Variants in SHOC1 observed in about 807,000 individuals in gnomAD.
SHOC1 encodes the protein shortage in chiasmata 1, also known as protein shortage in chiasmata 1 ortholog.
A neutral mutation model predicts 179.2 loss-of-function variants in SHOC1; 136 were observed. That is an observed-to-expected ratio of 0.76 (90% CI 0.66 to 0.87). The LOEUF is 0.87. Among genes scored for constraint, SHOC1 ranks in the 40% least tolerant of loss-of-function variants. The pLI is 0.00. For missense variants in SHOC1, 1,538 were observed against 1,700.8 expected (o/e 0.90, Z 1.68); for synonymous variants, 489 against 586.6 (o/e 0.83, Z 2.41).
Position 111,703,923 on chromosome 9 carries a change from A to G in SHOC1, c.2925T>C (p.Tyr975=), listed in dbSNP as rs769964499. The G allele has an allele frequency of 6.2e-7, 1 of 1,610,564 alleles. No homozygotes were observed. Among genetic ancestry groups the G allele is most frequent in the Non-Finnish European group, 8.5e-7 (1 of 1,178,338 alleles). The stretch of plus-strand genomic sequence containing the variant: ...TGTGTTCATCAATTGTCACCACTAC[A>G]TAACACTCTGAACTTCCAAAGAGTT... The part of the protein sequence containing the change: ...SLKLFGSSEC[Y]VVVTIDEHTA... Residue 975 remains tyrosine (Y), a synonymous_variant, in exon 22 of 28, where the codon TAT becomes TAC. Coordinates refer to ENST00000682961, the MANE Select transcript of SHOC1 (RefSeq NM_001378211.1).
intron 8 of SHOC1, among the ~76,000 whole-genome samples, chr9:111,750,822 T>C (rs541697037): frequency 4.6e-5 from 7 of 152,244 alleles, no homozygotes; most frequent in Non-Finnish European, 1.0e-4. Context: ...TAGTTTCTTT[T>C]GCTGTGCAGA....
chr9:111,759,598 T>A, intron 5 of SHOC1: 1 of 1,043,090 alleles, frequency 9.6e-7, no homozygotes, highest in Non-Finnish European at 1.2e-6. Context: ...CTTCAATAAG[T>A]TTTTGAGTAG....
chr9:111,750,867 T>G (rs985154287), intron 8 of SHOC1, among the ~76,000 whole-genome samples: 3 of 152,212 alleles, frequency 2.0e-5, no homozygotes, highest in African/African-American at 4.8e-5. Context: ...ATTTGTCAAT[T>G]TTTGCTTTTA....
Position 111,756,477 on chromosome 9 carries a change from G to A in SHOC1, c.710C>T (p.Pro237Leu), listed in dbSNP as rs540745853. Residue 237 changes from proline (P) to leucine (L), a missense_variant and splice_region_variant, in exon 8 of 28, where the codon CCG becomes CTG. By Grantham distance (98) the Pro-to-Leu change is moderately conservative. Transcript: ENST00000682961. ...KLEDTICLNE[P>L]SSFLIEYEFL... is the part of the protein sequence containing the mutation. ...TTCATACTCAATAAGAAAACTTGAC[G>A]GCTGAAAAAACATAGTTTAAAAAAG... is the stretch of plus-strand genomic sequence containing the variant. 39 of 1,585,936 alleles carry A rather than the reference G, an allele frequency of 2.5e-5. No homozygotes were observed. The highest frequency in any genetic ancestry group is 3.1e-5 in the Non-Finnish European group (36 of 1,172,688).
At chr9:111,735,387 A>C (rs561061676) in intron 12 of SHOC1, among the ~76,000 whole-genome samples, 15 of 151,960 alleles carry the variant, frequency 9.9e-5, no homozygotes, top group Non-Finnish European at 2.1e-4. Flanking sequence ...CCCTGTGTCC[A>C]TGTGTTCTCA....
chr9:111,723,926 A>G lies in SHOC1; in HGVS notation c.1835-15T>C. On this transcript the variant is annotated splice_polypyrimidine_tract_variant and intron_variant, in intron 13 of 27. Transcript: ENST00000682961. ...TGCTTCTTTATCTTGAAATTCCAAT[A>G]AAAAATATAAATTTTTGTTGTTCAA... The G allele has an allele frequency of 6.7e-7, 1 of 1,482,226 alleles. No individual in the cohort carries two copies. Among genetic ancestry groups the G allele is most frequent in the Non-Finnish European group, 9.1e-7 (1 of 1,096,228 alleles). 91.8% of individuals were successfully genotyped at this position (1,482,226 alleles called of 1,614,324 possible).
At chr9:111,719,433 G>C (rs1468685972) in intron 15 of SHOC1, among the ~76,000 whole-genome samples, 1 of 152,054 alleles carries the variant, frequency 6.6e-6, no homozygotes, top group Admixed American at 6.6e-5. Flanking sequence ...ACATAGTTAT[G>C]CTGTATATTT....
intron 18 of SHOC1, among the ~76,000 whole-genome samples, chr9:111,709,322 A>G (rs1379784741): frequency 3.9e-5 from 6 of 152,266 alleles, no homozygotes. Flanking sequence ...AGCCTGGGCA[A>G]CAAGAGTGAA....
In SHOC1 at chr9:111,785,932, A is replaced by T; in HGVS notation, c.149T>A (p.Phe50Tyr). ...SYHVAVTDNK[F>Y]RRPWTRVSAV... The stretch of plus-strand genomic sequence containing the variant: ...CATACCTCTCGTCCATGGCCTCCTA[A>T]ATTTATTATCAGTAACTGCTACATG... Residue 50 changes from phenylalanine to tyrosine, a missense_variant, in exon 3 of 28, where the codon TTT becomes TAT. Transcript: ENST00000682961. The T allele has an allele frequency of 6.7e-7, 1 of 1,493,118 alleles. No homozygotes were observed. Among genetic ancestry groups the T allele is most frequent in the East Asian group, 2.7e-5 (1 of 37,598 alleles). 92.5% of individuals were successfully genotyped at this position (1,493,118 alleles called of 1,614,324 possible).
intron 10 of SHOC1, among the ~76,000 whole-genome samples, chr9:111,744,536 A>T (rs1834182560): frequency 6.6e-6 from 1 of 152,104 alleles, no homozygotes; most frequent in African/African-American, 2.4e-5. Flanking sequence ...TACAGCCTTG[A>T]CTCCAGCTGG....
intron 8 of SHOC1, among the ~76,000 whole-genome samples, chr9:111,749,096 T>C (rs1020262576): frequency 6.7e-6 from 1 of 148,740 alleles, no homozygotes; most frequent in African/African-American, 2.6e-5. Context: ...TTTTTCCTTC[T>C]TTTCTTAAGG....
At chr9:111,710,399 G>A (rs889929743) in intron 18 of SHOC1, among the ~76,000 whole-genome samples, 12 of 152,118 alleles carry the variant, frequency 7.9e-5, no homozygotes, top group Admixed American at 1.3e-4. Context: ...CTGCACCGAT[G>A]AGCAGATCTA....
Position 111,727,627 on chromosome 9 carries a change from A to G in SHOC1, c.1834+6T>C, listed in dbSNP as rs1185920058. ...ATCTACGGCAAAATATTATTAAATT[A>G]CTTACCATGTTTTTCATCACTGTTT... On this transcript the variant is annotated splice_donor_region_variant and intron_variant, in intron 13 of 27. Transcript: ENST00000682961. The G allele has an allele frequency of 6.4e-7, 1 of 1,552,902 alleles. No individual in the cohort carries two copies. The highest frequency in any genetic ancestry group is 1.4e-5 in the African/African-American group (1 of 72,438).
At chr9:111,771,371 A>T (rs1028754441) in intron 5 of SHOC1, among the ~76,000 whole-genome samples, 3 of 152,118 alleles carry the variant, frequency 2.0e-5, no homozygotes, top group Non-Finnish European at 2.9e-5. Context: ...ACAGGTTGCT[A>T]TAGCTATTGT....
At chr9:111,729,691 G>A (rs1833477109) in intron 12 of SHOC1, among the ~76,000 whole-genome samples, 1 of 152,056 alleles carries the variant, frequency 6.6e-6, no homozygotes, top group African/African-American at 2.4e-5. Flanking sequence ...TCAAGAGATC[G>A]AGACCATCCT....
At chr9:111,766,914 C>T (rs556253703) in intron 5 of SHOC1, among the ~76,000 whole-genome samples, 1 of 152,212 alleles carries the variant, frequency 6.6e-6, no homozygotes, top group South Asian at 2.1e-4. Context: ...GCCTGGCCAG[C>T]TCATTGTGGT....
In SHOC1 at chr9:111,756,376, C is replaced by T. The variant is rs1205431611; in HGVS notation, c.811G>A (p.Val271Met). ...LSELKELLNP[V>M]PEIINYVDEK... Reference sequence around the variant, plus strand: ...TCTACATAGTTTATTATTTCTGGCACTGGGTTTAATAACTCCTTCAGTTCT... The same window carrying T: ...TCTACATAGTTTATTATTTCTGGCATTGGGTTTAATAACTCCTTCAGTTCT... Residue 271 changes from valine to methionine, a missense_variant, in exon 8 of 28, where the codon GTG becomes ATG. Transcript: ENST00000682961. 2 of 1,611,080 alleles carry T rather than the reference C, an allele frequency of 1.2e-6. No homozygotes were observed. Among genetic ancestry groups the T allele is most frequent in the Non-Finnish European group, 1.7e-6 (2 of 1,178,776 alleles).
chr9:111,768,711 G>T (rs1835451478), intron 5 of SHOC1, among the ~76,000 whole-genome samples: 1 of 152,158 alleles, frequency 6.6e-6, no homozygotes. Context: ...TACAAACAAG[G>T]CTAATTTGAT....
intron 3 of SHOC1, among the ~76,000 whole-genome samples, chr9:111,785,129 T>C (rs1405120250): frequency 2.0e-5 from 3 of 152,202 alleles, no homozygotes; most frequent in Non-Finnish European, 4.4e-5. Context: ...TCAGGAACTT[T>C]GCATTTGCTT....
Sources: allele counts gnomAD v4.1 joint callset (sites outside exome capture counted in the v4.1 genomes callset), GRCh38; gene constraint gnomAD v4.1.1; transcripts MANE v1.5; gene names NCBI Gene and HGNC (gene_info 2026-07-23, HGNC 2026-07-21).